PRAMEF20: variants seen among roughly 807,000 people sequenced by gnomAD.
The protein encoded by PRAMEF20 is PRAME family member 20, also known as PRAME family member 20/21.
In PRAMEF20, 27 loss-of-function variants were observed where a neutral mutation model predicts 32.4. The observed-to-expected ratio is 0.83, with a 90% CI of 0.61 to 1.15. PRAMEF20 has a LOEUF of 1.15. Ranked by LOEUF, PRAMEF20 falls within the 50% of genes most tolerant of loss-of-function variation. The pLI is 0.00. For missense variants in PRAMEF20, 604 were observed against 584.5 expected (o/e 1.03, Z -0.34); for synonymous variants, 256 against 235.4 (o/e 1.09, Z -0.80).
In PRAMEF20 at chr1:13,420,586, A is replaced by T. The variant is rs1641231151; in HGVS notation, c.867-111A>T. ...TGTTGACTATCAGACAATCAGAATG[A>T]CCCTGGGCTTGGGCAAAATGGTCTC... On this transcript the variant is annotated intron_variant, in intron 2 of 2. Transcript: ENST00000602960. 5 of 1,424,296 alleles carry T rather than the reference A, an allele frequency of 3.5e-6. No individual in the cohort carries two copies. The East Asian group carries it at 6.9e-5, about 20-fold the overall frequency. The allele number at this position is 1,424,296 out of a possible 1,614,324, so 88.2% of individuals were successfully genotyped here. A position where few individuals can be genotyped will look rare whatever the true frequency, so the allele number is the denominator to read the frequency against.
rs1224183952 is a variant in PRAMEF20 at position 13,416,940 on chromosome 1, G to A, written c.287+299G>A. ...TAATCCCAGCATTTTGGGAGGCTGAGGCAGGTGGATCACCTGAAGTCAGGA... is the reference window on the plus strand; with the variant it reads ...TAATCCCAGCATTTTGGGAGGCTGAAGCAGGTGGATCACCTGAAGTCAGGA... On this transcript the variant is annotated intron_variant, in intron 1 of 2. Coordinates refer to ENST00000602960, the Ensembl canonical transcript of PRAMEF20. Among the ~76,000 whole-genome samples, 4 of 152,190 alleles carry A rather than the reference G, an allele frequency of 2.6e-5. No individual in the cohort carries two copies. In the East Asian group the frequency reaches 7.7e-4, roughly 29 times the overall value.
At chr1:13,417,728 T>G (rs1569866946) in intron 1 of PRAMEF20, among the ~76,000 whole-genome samples, 2 of 131,020 alleles carry the variant, frequency 1.5e-5, no homozygotes, top group Admixed American at 8.2e-5. Flanking sequence ...AGTTCAGAAG[T>G]GAGTCCTTTT....
At chr1:13,416,718 G>A (rs1021291916) in intron 1 of PRAMEF20, 77 bp downstream of exon 2, 16 of 1,609,406 alleles carry the variant, frequency 9.9e-6, no homozygotes, top group Middle Eastern at 2.0e-4. Flanking sequence ...GAGGAGTGAG[G>A]AGGTCCAAGG....
At chr1:13,419,639 T>C (rs1641220686) in intron 2 of PRAMEF20, among the ~76,000 whole-genome samples, 1 of 151,960 alleles carries the variant, frequency 6.6e-6, no homozygotes, top group Admixed American at 6.6e-5. Context: ...TTAGCCAGGA[T>C]GGTCTCGATC....
At chr1:13,421,244 C>T (rs980849283) in exon 3 of PRAMEF20, 87 of 1,613,706 alleles carry the variant, frequency 5.4e-5, no homozygotes, top group African/African-American at 6.7e-5. Context: ...GGAGGTAGAT[C>T]GGTGTTGCTG....
At chr1:13,419,945 C>T (rs1641223696) in intron 2 of PRAMEF20, among the ~76,000 whole-genome samples, 1 of 152,112 alleles carries the variant, frequency 6.6e-6, no homozygotes, top group South Asian at 2.1e-4. Context: ...AACAGAGGGT[C>T]AGGGACCAGG....
upstream of PRAMEF20, among the ~76,000 whole-genome samples, chr1:13,415,737 C>T (rs1641161248): frequency 7.6e-6 from 1 of 130,914 alleles, no homozygotes; most frequent in Admixed American, 8.6e-5. Flanking sequence ...CTGCACTGAG[C>T]TGAGATTGCA....
intron 2 of PRAMEF20, 128 bp from the exon 4 acceptor site, chr1:13,420,569 A>G: frequency 2.3e-6 from 3 of 1,286,996 alleles, no homozygotes; most frequent in African/African-American, 2.9e-5. Context: ...AGTGTTGACT[A>G]TCAGACAATC....
upstream of PRAMEF20, among the ~76,000 whole-genome samples, chr1:13,413,349 T>C (rs1395911191): frequency 2.7e-4 from 41 of 151,826 alleles, no homozygotes; most frequent in Non-Finnish European, 1.5e-5. Flanking sequence ...AAATGTAGTT[T>C]TCTTTTTTGT....
Position 13,420,642 on chromosome 1 carries a change from C to T in PRAMEF20, c.867-55C>T, listed in dbSNP as rs1641231815. Reference sequence around the variant, plus strand: ...ATCACTTTGAAGTCATTCCCTACCACCCTCCACTCACCCCTACGATTCCCC... The same window carrying T: ...ATCACTTTGAAGTCATTCCCTACCATCCTCCACTCACCCCTACGATTCCCC... On this transcript the variant is annotated intron_variant, in intron 2 of 2. Coordinates refer to ENST00000602960, the Ensembl canonical transcript of PRAMEF20. 5.0e-6 allele frequency: 8 copies of T among 1,611,748 alleles called. No homozygotes were observed. The Admixed American group carries it at 1.2e-4, about 24-fold the overall frequency.
At chr1:13,420,900 A>T in exon 3 of PRAMEF20, 2 of 1,613,830 alleles carry the variant, frequency 1.2e-6, no homozygotes, top group South Asian at 2.2e-5. Flanking sequence ...CTGGACTTAG[A>T]TGACTGTGGC....
intron 2 of PRAMEF20, among the ~76,000 whole-genome samples, chr1:13,420,356 G>A (rs1258260157): frequency 9.9e-5 from 15 of 152,134 alleles, no homozygotes; most frequent in South Asian, 4.2e-4. Flanking sequence ...AATTACAGGC[G>A]CCCACCACCA....
At chr1:13,420,402 T>A (rs955814506) in intron 2 of PRAMEF20, among the ~76,000 whole-genome samples, 7 of 152,040 alleles carry the variant, frequency 4.6e-5, no homozygotes, top group African/African-American at 1.7e-4. Context: ...GTAGACAGGG[T>A]TTTGCCATGT....
chr1:13,410,861 AT>A, the PRAMEF20 span, among the ~76,000 whole-genome samples: 3 of 149,944 alleles, frequency 2.0e-5, no homozygotes, highest in Non-Finnish European at 3.0e-5. Flanking sequence ...TCTACAAAAT[AT>A]TTTTTTTTGG....
chr1:13,421,246 G>T, exon 3 of PRAMEF20: 2 of 1,612,256 alleles, frequency 1.2e-6, no homozygotes, highest in South Asian at 2.2e-5. Flanking sequence ...AGGTAGATCG[G>T]TGTTGCTGTT....
chr1:13,411,172 T>C, the PRAMEF20 span, among the ~76,000 whole-genome samples: 3 of 152,072 alleles, frequency 2.0e-5, no homozygotes, highest in Non-Finnish European at 4.4e-5. Flanking sequence ...ACATAAAATG[T>C]TTTTAAATTA....
chr1:13,418,238 T>C lies in PRAMEF20; in HGVS notation c.404T>C (p.Leu135Pro), dbSNP rs957698299. The change falls in exon 2 of 3, where the codon CTG becomes CCG. Residue 135 changes from leucine to proline, a missense_variant. Physicochemically the swap from Leu to Pro is moderately conservative, Grantham distance 98. Coordinates refer to ENST00000602960, the Ensembl canonical transcript of PRAMEF20. ...AATGCCATGATGAACAGAAAACCAC[T>C]GCAGGACTGTCCAAGGATGAGAGGA... 29 of 1,613,730 alleles carry C rather than the reference T, an allele frequency of 1.8e-5. No homozygotes were observed. In the African/African-American group the frequency reaches 3.7e-4, roughly 21 times the overall value.
upstream of PRAMEF20, among the ~76,000 whole-genome samples, chr1:13,414,357 C>A (rs1008213757): frequency 1.1e-4 from 16 of 152,212 alleles, no homozygotes; most frequent in East Asian, 2.3e-3. Flanking sequence ...CCTCACCCAG[C>A]CTTCTTGACA....
At chr1:13,414,463 T>C (rs1641144056), upstream of PRAMEF20, among the ~76,000 whole-genome samples, 1 of 152,080 alleles carries the variant, frequency 6.6e-6, no homozygotes, top group African/African-American at 2.4e-5. Context: ...TCCTTTTTAC[T>C]AAAAGTTTTT....
Sources: gnomAD v4.1 joint callset for allele counts (sites outside exome capture counted in the v4.1 genomes callset) on GRCh38, gnomAD v4.1.1 for gene constraint, MANE v1.5 for transcripts, NCBI Gene and HGNC (gene_info 2026-07-23, HGNC 2026-07-21) for gene names.